RORA: variants seen among roughly 807,000 people sequenced by gnomAD.
The protein encoded by RORA is RAR related orphan receptor A, also known as nuclear receptor ROR-alpha.
Under a neutral mutation model 69.5 loss-of-function variants are expected in RORA, and 7 were observed. That is an observed-to-expected ratio of 0.10 (90% CI 0.06 to 0.19). The LOEUF (loss-of-function observed/expected upper bound fraction) is 0.19, where lower values mean the gene tolerates loss of function less well. RORA is among the 10% of genes least tolerant of loss of function. RORA has a pLI of 1.00. For synonymous variants in RORA, 261 were observed against 240.8 expected (o/e 1.08, Z -0.78); for missense variants, 457 against 663.0 (o/e 0.69, Z 3.41).
At chr15:61,015,483 ATGTT>A (rs1167738798) in intron 1 of RORA, among the ~76,000 whole-genome samples, 6 of 152,120 alleles carry the variant, frequency 3.9e-5, no homozygotes, top group South Asian at 2.1e-4. Flanking sequence ...ACAAAAAAAA[ATGTT>A]TGGAAGAAAG....
chr15:60,954,548 C>G (rs895794372), intron 1 of RORA, among the ~76,000 whole-genome samples: 15 of 152,012 alleles, frequency 9.9e-5, no homozygotes, highest in East Asian at 3.9e-4. Flanking sequence ...GAGGAGTGCC[C>G]TGTTTGGGCC....
chr15:60,849,671 T>G (rs1039269505), intron 1 of RORA, among the ~76,000 whole-genome samples: 1 of 152,198 alleles, frequency 6.6e-6, no homozygotes, highest in Non-Finnish European at 1.5e-5. Flanking sequence ...AGGGTCTGAT[T>G]TGCAATGTTT....
At chr15:60,499,515 G>C (rs1410409267) in intron 10 of RORA, among the ~76,000 whole-genome samples, 2 of 152,226 alleles carry the variant, frequency 1.3e-5, no homozygotes, top group Non-Finnish European at 2.9e-5. Context: ...TCCAGCCTGG[G>C]AGACGGAGTG....
At chr15:61,162,942 C>A (rs944651765) in intron 1 of RORA, among the ~76,000 whole-genome samples, 6 of 152,126 alleles carry the variant, frequency 3.9e-5, no homozygotes, top group Non-Finnish European at 7.3e-5. Flanking sequence ...CAGGTCTTGC[C>A]ACCTATGCGT....
At chr15:60,865,513 C>T (rs1412697420) in intron 1 of RORA, among the ~76,000 whole-genome samples, 1 of 152,206 alleles carries the variant, frequency 6.6e-6, no homozygotes, top group African/African-American at 2.4e-5. Flanking sequence ...CTGATGGCTC[C>T]TTGGCCAGAA....
rs570170413 is a variant in RORA, at chr15:60,836,161, G to A, written c.167-157475C>T. ...GAAAGTCTAGTCTATGTGGTGTACC[G>A]TTAGTCAGCATGTGCTGGCGTAAAT... On this transcript the variant is annotated intron_variant, in intron 1 of 10. Transcript: ENST00000335670. 3.3e-5 allele frequency among the ~76,000 whole-genome samples: 5 copies of A among 152,320 alleles called. No homozygotes were observed. The South Asian group carries it at 6.2e-4, about 19-fold the overall frequency.
intron 1 of RORA, among the ~76,000 whole-genome samples, chr15:61,227,130 T>TG (rs138155267): frequency 0.059 from 8,238 of 139,040 alleles, 409 homozygotes; most frequent in African/African-American, 0.14. Context: ...ACACAGGGTG[T>TG]GGGGGGGTCA....
At chr15:60,983,943 T>G (rs1014362078) in intron 1 of RORA, among the ~76,000 whole-genome samples, 4 of 152,218 alleles carry the variant, frequency 2.6e-5, no homozygotes, top group African/African-American at 9.6e-5. Context: ...AATTTGGCAC[T>G]TTTTGTAAAC....
chr15:60,614,752 G>C, intron 2 of RORA: 1 of 698,196 alleles, frequency 1.4e-6, no homozygotes, highest in Non-Finnish European at 2.3e-6. Flanking sequence ...CTAAAACTCA[G>C]TTTTCTCAAG....
intron 4 of RORA, 127 bp downstream of exon 4, chr15:60,514,489 G>T: frequency 2.4e-6 from 2 of 845,352 alleles, no homozygotes; most frequent in Non-Finnish European, 1.9e-6. Flanking sequence ...GAGCATGGGG[G>T]GCGGGGCGTA....
chr15:60,730,372 C>A (rs111429593), intron 1 of RORA, among the ~76,000 whole-genome samples: 1 of 152,212 alleles, frequency 6.6e-6, no homozygotes, highest in African/African-American at 2.4e-5. Context: ...ATGGTCTTAA[C>A]CTTTCATAGC....
intron 1 of RORA, among the ~76,000 whole-genome samples, chr15:60,725,853 G>A (rs1388715654): frequency 1.3e-5 from 2 of 152,166 alleles, no homozygotes; most frequent in Non-Finnish European, 2.9e-5. Flanking sequence ...AGTCATACGA[G>A]TGAAGTGGAA....
intron 1 of RORA, among the ~76,000 whole-genome samples, chr15:60,794,092 T>G (rs1232353871): frequency 6.6e-6 from 1 of 152,222 alleles, no homozygotes; most frequent in Non-Finnish European, 1.5e-5. Flanking sequence ...GTTCAACTGT[T>G]TCTTTTCTTC....
chr15:60,971,432 C>T (rs1440421941), intron 1 of RORA, among the ~76,000 whole-genome samples: 2 of 152,198 alleles, frequency 1.3e-5, no homozygotes, highest in Admixed American at 6.5e-5. Context: ...TCCCTAACTG[C>T]AGTGGGTGGC....
chr15:60,887,767 C>A (rs778716936), intron 1 of RORA, among the ~76,000 whole-genome samples: 6 of 152,138 alleles, frequency 3.9e-5, no homozygotes, highest in Non-Finnish European at 8.8e-5. Context: ...GGCTGTCCTG[C>A]AAACACTGAA....
At chr15:60,577,599 G>A (rs1211875482) in intron 2 of RORA, among the ~76,000 whole-genome samples, 10 of 149,100 alleles carry the variant, frequency 6.7e-5, no homozygotes, top group Admixed American at 1.3e-4. Context: ...AGCCGAGATC[G>A]CGCCACTGTA....
intron 1 of RORA, among the ~76,000 whole-genome samples, chr15:61,004,067 G>A (rs1328695860): frequency 6.6e-6 from 1 of 152,138 alleles, no homozygotes; most frequent in Non-Finnish European, 1.5e-5. Context: ...GCCACAGGGA[G>A]CTTCTGTCAC....
At chr15:61,087,182 A>G (rs1301732091) in intron 1 of RORA, among the ~76,000 whole-genome samples, 1 of 152,154 alleles carries the variant, frequency 6.6e-6, no homozygotes, top group Non-Finnish European at 1.5e-5. Flanking sequence ...ACAAAACAAA[A>G]AGTGAGCATA....
chr15:60,798,125 T>C (rs966604199), intron 1 of RORA, among the ~76,000 whole-genome samples: 1 of 149,124 alleles, frequency 6.7e-6, no homozygotes, highest in Non-Finnish European at 1.5e-5. Context: ...TTAATTATTA[T>C]ACATGAGAAA....
Sources: gnomAD v4.1 joint callset for allele counts (sites outside exome capture counted in the v4.1 genomes callset) on GRCh38, gnomAD v4.1.1 for gene constraint, MANE v1.5 for transcripts, NCBI Gene and HGNC (gene_info 2026-07-23, HGNC 2026-07-21) for gene names.